CSMD3: variants seen among roughly 807,000 people sequenced by gnomAD.
The protein encoded by CSMD3 is CUB and Sushi multiple domains 3.
A neutral mutation model predicts 435.2 loss-of-function variants in CSMD3; 177 were observed. That is an observed-to-expected ratio of 0.41 (90% confidence interval 0.36 to 0.46). The LOEUF (loss-of-function observed/expected upper bound fraction) is 0.46, where lower values mean the gene tolerates loss of function less well. Ranked by LOEUF, CSMD3 falls within the 20% of genes least tolerant of loss-of-function variation. CSMD3 has a pLI of 0.34. For synonymous variants in CSMD3, 1,656 were observed against 1,520.5 expected (o/e 1.09, Z -2.07); for missense variants, 4,265 against 4,504.6 (o/e 0.95, Z 1.52).
At chr8:112,604,840 A>T (rs1832667621) in intron 22 of CSMD3, among the ~76,000 whole-genome samples, 1 of 152,180 alleles carries the variant, frequency 6.6e-6, no homozygotes, top group Non-Finnish European at 1.5e-5. Context: ...TTAACTGAGT[A>T]AACAGACAAC....
At chr8:113,105,369 A>T (rs1278987189) in intron 4 of CSMD3, among the ~76,000 whole-genome samples, 22 of 152,154 alleles carry the variant, frequency 1.4e-4, no homozygotes, top group Admixed American at 1.4e-3. Flanking sequence ...TGTTTCTTTC[A>T]GCTCAGTACA....
intron 2 of CSMD3, among the ~76,000 whole-genome samples, chr8:113,288,997 A>C (rs934815407): frequency 4.0e-5 from 6 of 151,790 alleles, no homozygotes; most frequent in Non-Finnish European, 5.9e-5. Context: ...CTAATTATAA[A>C]AAAACTCATT....
At chr8:113,164,115 A>G (rs2092102372) in intron 4 of CSMD3, among the ~76,000 whole-genome samples, 1 of 152,076 alleles carries the variant, frequency 6.6e-6, no homozygotes, top group African/African-American at 2.4e-5. Context: ...AGCTAAATAT[A>G]ATGCTGATTC....
intron 2 of CSMD3, chr8:113,311,670 T>C (rs1026232637): frequency 6.6e-6 from 1 of 152,104 alleles, no homozygotes; most frequent in East Asian, 1.9e-4. Flanking sequence ...CGACTTCTAA[T>C]CAAACAGCAG....
intron 18 of CSMD3, among the ~76,000 whole-genome samples, chr8:112,655,600 ACT>A (rs1406760553): frequency 6.6e-6 from 1 of 151,824 alleles, no homozygotes; most frequent in East Asian, 1.9e-4. Context: ...TGATTCCAAC[ACT>A]CTGAATTATA....
At chr8:113,304,770 C>T (rs1469370583) in intron 2 of CSMD3, among the ~76,000 whole-genome samples, 5 of 66,868 alleles carry the variant, frequency 7.5e-5, no homozygotes, top group Non-Finnish European at 8.3e-5. Context: ...GTGGTGGGGT[C>T]GGGGGAGGGG....
chr8:113,155,481 T>C (rs2091912020), intron 4 of CSMD3, among the ~76,000 whole-genome samples: 1 of 152,006 alleles, frequency 6.6e-6, no homozygotes, highest in South Asian at 2.1e-4. Context: ...TAAATTCCAA[T>C]AGTAAAACTA....
At chr8:112,809,857 C>G (rs897697474) in intron 12 of CSMD3, among the ~76,000 whole-genome samples, 1 of 152,140 alleles carries the variant, frequency 6.6e-6, no homozygotes, top group African/African-American at 2.4e-5. Context: ...CAAAGAATAT[C>G]TTTCTCAAGA....
At chr8:113,134,790 G>A (rs1055346245) in intron 4 of CSMD3, among the ~76,000 whole-genome samples, 1 of 151,906 alleles carries the variant, frequency 6.6e-6, no homozygotes, top group Non-Finnish European at 1.5e-5. Context: ...TTTAAAAAGG[G>A]GTTTATTTAA....
At position 112,382,859 on chromosome 8, in the gene CSMD3, C is replaced by T. The variant is rs899402745; in HGVS notation, c.6031+708G>A. Among the ~76,000 whole-genome samples the T allele has an allele frequency of 5.9e-5, 9 of 152,050 alleles. No individual in the cohort carries two copies. The South Asian group carries it at 6.2e-4, about 10-fold the overall frequency. Reference sequence around the variant, plus strand: ...TACAAAACTTAGCTGGGCGTAGTGACGCATGTCTGTAATCCCAGCTACTCT... The same window carrying T: ...TACAAAACTTAGCTGGGCGTAGTGATGCATGTCTGTAATCCCAGCTACTCT... On this transcript the variant is annotated intron_variant, in intron 37 of 70. Coordinates refer to ENST00000297405, the MANE Select transcript of CSMD3 (RefSeq NM_198123.2).
At chr8:112,721,324 C>T (rs988956663) in intron 13 of CSMD3, among the ~76,000 whole-genome samples, 1 of 152,068 alleles carries the variant, frequency 6.6e-6, no homozygotes, top group Non-Finnish European at 1.5e-5. Context: ...CCTGCAATCC[C>T]AGCACTTTGG....
At chr8:112,863,548 A>AT (rs2080884172) in intron 10 of CSMD3, among the ~76,000 whole-genome samples, 1 of 151,944 alleles carries the variant, frequency 6.6e-6, no homozygotes, top group Non-Finnish European at 1.5e-5. Context: ...TGTTTTAATC[A>AT]TTTTTTACAT....
chr8:112,661,895 CA>C (rs1472528279), intron 17 of CSMD3, among the ~76,000 whole-genome samples: 1 of 151,820 alleles, frequency 6.6e-6, no homozygotes, highest in East Asian at 1.9e-4. Context: ...CCCAGAAAAA[CA>C]AATAATTAAA....
Position 113,229,852 on chromosome 8 carries a change from T to G in CSMD3, c.514+48740A>C, listed in dbSNP as rs369849673. 4.9e-4 allele frequency among the ~76,000 whole-genome samples: 75 copies of G among 151,712 alleles called. No individual in the cohort carries two copies. In the South Asian group the frequency reaches 0.016, roughly 31 times the overall value. ...TTACTTGCCCTCATCACATACTCTC[T>G]AGTGTCATATAATTTGACCTGGTAA... On this transcript the variant is annotated intron_variant, in intron 3 of 70. Transcript: ENST00000297405.
At chr8:113,433,221 A>C (rs1023485878) in intron 1 of CSMD3, among the ~76,000 whole-genome samples, 20 of 152,172 alleles carry the variant, frequency 1.3e-4, no homozygotes, top group African/African-American at 4.8e-4. Context: ...TATTTTGAAA[A>C]GACATTGATT....
At chr8:112,640,294 T>C (rs1459911637) in intron 20 of CSMD3, among the ~76,000 whole-genome samples, 1 of 152,138 alleles carries the variant, frequency 6.6e-6, no homozygotes, top group East Asian at 1.9e-4. Flanking sequence ...CTTTATTTTT[T>C]TGTACCTCAC....
chr8:112,345,752 T>C (rs1563819367), intron 41 of CSMD3, among the ~76,000 whole-genome samples: 2 of 152,112 alleles, frequency 1.3e-5, no homozygotes, highest in South Asian at 4.1e-4. Context: ...AGATAATATA[T>C]TAATTAACTT....
Position 112,785,451 on chromosome 8 carries a change from G to C in CSMD3, c.1972+14711C>G, listed in dbSNP as rs546593611. On this transcript the variant is annotated intron_variant, in intron 13 of 70. Coordinates refer to ENST00000297405, the MANE Select transcript of CSMD3 (RefSeq NM_198123.2). ...AAAGAAATAAAGGGCATCCAAGTTG[G>C]AAAGAAAGAAGTCACATTATCTTCA... Among the ~76,000 whole-genome samples, 38 of 152,064 alleles carry C rather than the reference G, an allele frequency of 2.5e-4. 2 individuals carry two copies. The South Asian group carries it at 7.5e-3, about 30-fold the overall frequency.
chr8:113,414,848 T>G (rs2129853163), intron 1 of CSMD3, among the ~76,000 whole-genome samples: 1 of 151,954 alleles, frequency 6.6e-6, no homozygotes, highest in East Asian at 1.9e-4. Flanking sequence ...GCACTTGTAG[T>G]CCAGCTACTT....
Sources: gnomAD v4.1 joint callset for allele counts (sites outside exome capture counted in the v4.1 genomes callset) on GRCh38, gnomAD v4.1.1 for gene constraint, MANE v1.5 for transcripts, NCBI Gene and HGNC (gene_info 2026-07-23, HGNC 2026-07-21) for gene names.